POTEE: variants seen among roughly 807,000 people sequenced by gnomAD.
POTEE encodes the protein ANKRD26-like family C member 1A.
In POTEE, 21 loss-of-function variants were observed where a neutral mutation model predicts 74.2. The ratio of observed to expected loss-of-function variants is 0.28; its 90% CI spans 0.20 to 0.41. The LOEUF (loss-of-function observed/expected upper bound fraction) is 0.41. POTEE is among the 10% of genes least tolerant of loss of function. The probability of loss-of-function intolerance (pLI) is 1.00; values close to 1 mark genes in which losing one functional copy is unlikely to be tolerated. For missense variants in POTEE, 525 were observed against 1,158.6 expected, an observed-to-expected ratio of 0.45 and a Z score of 7.94; for synonymous variants, 211 against 432.8, an observed-to-expected ratio of 0.49 and a Z score of 6.36.
chr2:131,252,634 TG>T, intron 15 of POTEE, 64 bp downstream of exon 15: 1 of 417,482 alleles, frequency 2.4e-6, no homozygotes, highest in Non-Finnish European at 4.0e-6. Flanking sequence ...TTTAACAAAG[TG>T]TAGTAAATGT....
chr2:131,221,483 C>G (rs1156926910), intron 4 of POTEE, among the ~76,000 whole-genome samples: 1 of 151,974 alleles, frequency 6.6e-6, no homozygotes, highest in African/African-American at 2.4e-5. Context: ...TCTGTGATTT[C>G]TGCAATGAAC....
Position 131,211,109 on chromosome 2 carries a change from C to T in POTEE, c.-263C>T, listed in dbSNP as rs1232658720. 1.3e-5 allele frequency among the ~76,000 whole-genome samples: 2 copies of T among 151,690 alleles called. No individual in the cohort carries two copies. Among genetic ancestry groups the T allele is most frequent in the African/African-American group, 2.4e-5 (1 of 41,024 alleles). On this transcript the variant is annotated 5_prime_UTR_variant, in exon 2 of 18. Coordinates refer to ENST00000683005, the MANE Select transcript of POTEE (RefSeq NM_001083538.3). Reference sequence around the variant, plus strand: ...GGAATCACCTGTGGTACGCTGGAGCCTGCATGTGGCGTGACTCTGCAGCTC... The same window carrying T: ...GGAATCACCTGTGGTACGCTGGAGCTTGCATGTGGCGTGACTCTGCAGCTC...
chr2:131,225,679 A>C (rs1413161746), intron 6 of POTEE, among the ~76,000 whole-genome samples: 3 of 145,194 alleles, frequency 2.1e-5, no homozygotes, highest in Non-Finnish European at 3.0e-5. Flanking sequence ...ATGGTCCTCC[A>C]ACCTCAGTTT....
intron 4 of POTEE, among the ~76,000 whole-genome samples, chr2:131,221,731 G>C (rs1414157577): frequency 6.6e-6 from 1 of 152,136 alleles, no homozygotes; most frequent in Non-Finnish European, 1.5e-5. Context: ...ATTAGATATA[G>C]ATTAACATGT....
chr2:131,246,469 C>CT (rs1701361900), intron 13 of POTEE, among the ~76,000 whole-genome samples: 1 of 148,456 alleles, frequency 6.7e-6, no homozygotes, highest in Non-Finnish European at 1.5e-5. Flanking sequence ...TGTCAAAGAG[C>CT]TTCTGTAAGT....
At chr2:131,216,194 G>C (rs536676557) in intron 2 of POTEE, among the ~76,000 whole-genome samples, 47 of 151,716 alleles carry the variant, frequency 3.1e-4, no homozygotes, top group African/African-American at 1.1e-3. Flanking sequence ...GAAATTGAAA[G>C]TGACAAATAG....
chr2:131,262,596 A>C (rs1262288402), intron 17 of POTEE, among the ~76,000 whole-genome samples: 1 of 147,226 alleles, frequency 6.8e-6, no homozygotes, highest in Non-Finnish European at 1.5e-5. Flanking sequence ...CACAGAAGTA[A>C]GTGTGGTTTT....
At chr2:131,210,407 C>T (rs1021877186) in intron 1 of POTEE, among the ~76,000 whole-genome samples, 4 of 150,432 alleles carry the variant, frequency 2.7e-5, no homozygotes, top group African/African-American at 9.9e-5. Flanking sequence ...GGGGGCTACA[C>T]TGCCGGCGGC....
chr2:131,229,196 C>A (rs1164999297), intron 8 of POTEE, among the ~76,000 whole-genome samples: 2 of 152,058 alleles, frequency 1.3e-5, no homozygotes, highest in African/African-American at 2.4e-5. Flanking sequence ...TCCTTTGAGG[C>A]TGTTGTTGGT....
rs1174626515 is a variant in POTEE at position 131,257,240 on chromosome 2, T to C, written c.1778+4141T>C. On this transcript the variant is annotated intron_variant, in intron 16 of 17. Transcript: ENST00000683005. ...CTCTCATGAATAGGGTTTTTATTGTTCATTACCATATCCTCACTTCCTAGA... is the reference window on the plus strand; with the variant it reads ...CTCTCATGAATAGGGTTTTTATTGTCCATTACCATATCCTCACTTCCTAGA... Among the ~76,000 whole-genome samples, 3 of 51,978 alleles carry C rather than the reference T, an allele frequency of 5.8e-5. No individual in the cohort carries two copies. The Admixed American group carries it at 6.6e-4, about 11-fold the overall frequency. The allele number at this position is 51,978 out of a possible 152,430, so 34.1% of individuals were successfully genotyped here.
rs748604049 is a variant in POTEE at position 131,218,733 on chromosome 2, G to A, written c.331G>A (p.Gly111Arg). The change falls in exon 4 of 18, where the codon GGG becomes AGG. Residue 111 changes from glycine (G) to arginine (R), a missense_variant. By Grantham distance (125) the Gly-to-Arg change is moderately radical. Transcript: ENST00000683005. ...CTGCCACTGCTTCCCCTGCTGCAGGGGGAGCGGCAAGAGCAAGGTGGGCGC... is the reference window on the plus strand; with the variant it reads ...CTGCCACTGCTTCCCCTGCTGCAGGAGGAGCGGCAAGAGCAAGGTGGGCGC... The part of the protein sequence containing the change: ...WCCHCFPCCR[G>R]SGKSKVGAWG... 26 of 1,579,142 alleles carry A rather than the reference G, an allele frequency of 1.6e-5. No homozygotes were observed. In the South Asian group the frequency reaches 2.6e-4, roughly 16 times the overall value.
chr2:131,223,105 T>C (rs1367063351), intron 4 of POTEE, among the ~76,000 whole-genome samples: 5 of 151,610 alleles, frequency 3.3e-5, no homozygotes, highest in Non-Finnish European at 5.9e-5. Context: ...CCTGAAAGTG[T>C]AGGTATAATT....
intron 8 of POTEE, among the ~76,000 whole-genome samples, chr2:131,230,609 G>A (rs1483427224): frequency 6.6e-6 from 1 of 151,944 alleles, no homozygotes; most frequent in Non-Finnish European, 1.5e-5. Context: ...TAATTTACTG[G>A]GTCACAGTGC....
At chr2:131,212,728 C>A (rs963952507) in intron 2 of POTEE, among the ~76,000 whole-genome samples, 2 of 151,116 alleles carry the variant, frequency 1.3e-5, no homozygotes, top group Non-Finnish European at 2.9e-5. Flanking sequence ...CCATGCCCAG[C>A]TAACTTTGTG....
intron 6 of POTEE, 35 bp from the exon 7 acceptor site, chr2:131,226,788 A>C (rs751549088): frequency 1.2e-6 from 2 of 1,610,622 alleles, no homozygotes; most frequent in Non-Finnish European, 1.7e-6. Context: ...TACTTTTTTG[A>C]ATTACATAGG....
Position 131,225,423 on chromosome 2 carries a change from C to A in POTEE, c.810+1380C>A, listed in dbSNP as rs1270589039. Among the ~76,000 whole-genome samples, 6 of 151,032 alleles carry A rather than the reference C, an allele frequency of 4.0e-5. No individual in the cohort carries two copies. In the Admixed American group the frequency reaches 4.0e-4, roughly 10 times the overall value. On this transcript the variant is annotated intron_variant, in intron 6 of 17. Transcript: ENST00000683005. ...ACAACAACAACAATTTTCTCAAAAT[C>A]TGGATACACTCCTGCTTAAGAACCA...
chr2:131,210,044 G>A (rs1700324180), intron 1 of POTEE, among the ~76,000 whole-genome samples: 1 of 98,152 alleles, frequency 1.0e-5, no homozygotes, highest in African/African-American at 4.4e-5. Context: ...GTGCACTAAC[G>A]TGTACTGCCG....
chr2:131,229,629 T>C (rs1387431020), intron 8 of POTEE: 36 of 152,174 alleles, frequency 2.4e-4, no homozygotes, highest in Admixed American at 1.8e-3. Flanking sequence ...GCGGCACATA[T>C]CCTAAAATTG....
rs1453334239 is a variant in POTEE, at chr2:131,209,658, G to C, written c.-506G>C. Among the ~76,000 whole-genome samples, 1 of 152,276 alleles carries C rather than the reference G, an allele frequency of 6.6e-6. No homozygotes were observed. Among genetic ancestry groups the C allele is most frequent in the African/African-American group, 2.4e-5 (1 of 41,480 alleles). Reference sequence around the variant, plus strand: ...CCACAGAGCGGTAGGAGGGCAACTAGTAGCGGGAGCTTCTCCTGCCAGGCA... The same window carrying C: ...CCACAGAGCGGTAGGAGGGCAACTACTAGCGGGAGCTTCTCCTGCCAGGCA... On this transcript the variant is annotated 5_prime_UTR_variant, in exon 1 of 18. Transcript: ENST00000683005.
Sources: gnomAD v4.1 joint callset for allele counts (sites outside exome capture counted in the v4.1 genomes callset) on GRCh38, gnomAD v4.1.1 for gene constraint, MANE v1.5 for transcripts, NCBI Gene and HGNC (gene_info 2026-07-23, HGNC 2026-07-21) for gene names.